The following PCDHGB1 variants were observed in gnomAD, a reference collection of about 807,000 sequenced individuals.
PCDHGB1 encodes protocadherin gamma subfamily B, 1, also known as protocadherin gamma-B1.
Under a neutral mutation model 56.6 loss-of-function variants are expected in PCDHGB1, and 34 were observed. The ratio of observed to expected loss-of-function variants is 0.60; its 90% CI spans 0.46 to 0.80. The LOEUF is 0.80. PCDHGB1 is among the 30% of genes least tolerant of loss of function. The pLI is 0.00. For missense variants in PCDHGB1, 1,278 were observed against 1,204.6 expected, an observed-to-expected ratio of 1.06 and a Z score of -0.90; for synonymous variants, 561 against 505.9, an observed-to-expected ratio of 1.11 and a Z score of -1.46.
Position 141,422,740 on chromosome 5 carries a change from T to C in PCDHGB1, c.2409+70071T>C, listed in dbSNP as rs536737009. The C allele has an allele frequency of 2.7e-5, 43 of 1,609,962 alleles. 1 individual carries two copies. In the South Asian group the frequency reaches 4.8e-4, roughly 18 times the overall value. On this transcript the variant is annotated intron_variant, in intron 1 of 3. Transcript: ENST00000523390. ...TGTCCAGGGGGTGCCTCTGTCCTCC[T>C]ATGTCTCTATTAACTCCAACACTGG... is the stretch of plus-strand genomic sequence containing the variant.
chr5:141,436,207 A>T (rs544201723), intron 1 of PCDHGB1, among the ~76,000 whole-genome samples: 1 of 152,142 alleles, frequency 6.6e-6, no homozygotes, highest in Admixed American at 6.5e-5. Context: ...ACATAATAGG[A>T]AAACAAATGA....
In PCDHGB1 at chr5:141,476,714, C is replaced by G. The variant is rs146188020; in HGVS notation, c.2410-18093C>G. 3.1e-6 allele frequency: 5 copies of G among 1,614,036 alleles called. No individual in the cohort carries two copies. Among genetic ancestry groups the G allele is most frequent in the African/African-American group, 2.7e-5 (2 of 74,938 alleles). ...CAAGTACGCGGAGCTGGTGTTGGAGCGCGCCCTGGACCGAGAACGGGAGCC... is the reference window on the plus strand; with the variant it reads ...CAAGTACGCGGAGCTGGTGTTGGAGGGCGCCCTGGACCGAGAACGGGAGCC... On this transcript the variant is annotated intron_variant, in intron 1 of 3. Transcript: ENST00000523390. This position sits in a 1 kb window ranked among gnomAD's most constrained non-coding sequence, Gnocchi z 7.6.
chr5:141,372,194 C>A, intron 1 of PCDHGB1: 1 of 1,613,570 alleles, frequency 6.2e-7, no homozygotes, highest in Non-Finnish European at 8.5e-7. Flanking sequence ...ACTCGGGATA[C>A]AACGCCTGGC....
At chr5:141,401,570 C>T (rs192915698) in intron 1 of PCDHGB1, among the ~76,000 whole-genome samples, 2 of 152,290 alleles carry the variant, frequency 1.3e-5, no homozygotes, top group Admixed American at 1.3e-4. Context: ...ATTTCTCTTG[C>T]TCGGAATCCT....
In PCDHGB1 at chr5:141,476,501, A is replaced by G; in HGVS notation, c.2410-18306A>G. 1.2e-6 allele frequency: 2 copies of G among 1,614,026 alleles called. No homozygotes were observed. Among genetic ancestry groups the G allele is most frequent in the Non-Finnish European group, 1.7e-6 (2 of 1,180,006 alleles). On this transcript the variant is annotated intron_variant, in intron 1 of 3. Coordinates refer to ENST00000523390, the MANE Select transcript of PCDHGB1 (RefSeq NM_018922.3). The surrounding 1 kb of genome is among the most constrained non-coding windows in gnomAD (Gnocchi z 7.6). ...CGTGGAAGTGGTGATCCAGGACATCAACGACAACAATCCTGCTTTCCCTAC... is the reference window on the plus strand; with the variant it reads ...CGTGGAAGTGGTGATCCAGGACATCGACGACAACAATCCTGCTTTCCCTAC...
rs758515649 is a variant in PCDHGB1 at position 141,432,368 on chromosome 5, A to G, written c.2410-62439A>G. On this transcript the variant is annotated intron_variant, in intron 1 of 3. Coordinates refer to ENST00000523390, the MANE Select transcript of PCDHGB1 (RefSeq NM_018922.3). This position sits in a 1 kb window ranked among gnomAD's most constrained non-coding sequence, Gnocchi z 6.0. ...GCAAGTGAAAGTGATGGCGCGGGAC[A>G]ACGGGCACCCGCCCCTCAGCAGCAA... 1.2e-6 allele frequency: 2 copies of G among 1,614,110 alleles called. No homozygotes were observed. Among genetic ancestry groups the G allele is most frequent in the Non-Finnish European group, 1.7e-6 (2 of 1,180,054 alleles).
At chr5:141,360,244 A>G (rs764630528) in intron 1 of PCDHGB1, 3 of 1,613,962 alleles carry the variant, frequency 1.9e-6, no homozygotes, top group Non-Finnish European at 2.5e-6. Context: ...CCGCTATTCA[A>G]TTCCAGAGGA....
rs752533199 is a variant in PCDHGB1, at chr5:141,352,514, A to T, written c.2254A>T (p.Ile752Phe). 3.7e-6 allele frequency: 6 copies of T among 1,613,842 alleles called. No individual in the cohort carries two copies. Among genetic ancestry groups the T allele is most frequent in the Non-Finnish European group, 5.1e-6 (6 of 1,179,898 alleles). Residue 752 changes from isoleucine to phenylalanine, a missense_variant, in exon 1 of 4, where the codon ATT (isoleucine) becomes TTT (phenylalanine). Ile to Phe is a conservative substitution (Grantham distance 21). Transcript: ENST00000523390. The part of the protein sequence containing the change: ...GTLPYSYNLC[I>F]ASHSAKTEFN... The stretch of plus-strand genomic sequence containing the variant: ...TTTGCCCTATTCCTACAATCTATGT[A>T]TTGCCTCTCATTCTGCAAAGACAGA...
At chr5:141,364,875 T>C (rs909012191) in intron 1 of PCDHGB1, 1 of 1,613,818 alleles carries the variant, frequency 6.2e-7, no homozygotes, top group Non-Finnish European at 8.5e-7. Flanking sequence ...TCTCTGGATG[T>C]GGTAAGCGGA....
intron 1 of PCDHGB1, chr5:141,407,996 T>G: frequency 1.1e-6 from 1 of 872,310 alleles, no homozygotes; most frequent in Middle Eastern, 3.6e-4. Flanking sequence ...GCCTCTGGCC[T>G]GGGATTCCCT....
intron 1 of PCDHGB1, among the ~76,000 whole-genome samples, chr5:141,492,559 C>G (rs533830391): frequency 2.0e-5 from 3 of 152,174 alleles, no homozygotes; most frequent in Non-Finnish European, 4.4e-5. Context: ...GCCTGGGGGG[C>G]GGCCTGAGCG....
chr5:141,383,951 C>G lies in PCDHGB1; in HGVS notation c.2409+31282C>G, dbSNP rs1365918560. 5 of 1,613,676 alleles carry G rather than the reference C, an allele frequency of 3.1e-6. No homozygotes were observed. In the African/African-American group the frequency reaches 6.7e-5, roughly 22 times the overall value. On this transcript the variant is annotated intron_variant, in intron 1 of 3. Transcript: ENST00000523390. ...AATGCTCCAGAAGTGACTATGACGT[C>G]TTTAAGTAGCTCAATCCCTGAAGAC...
chr5:141,422,853 C>T (rs746989617), intron 1 of PCDHGB1: 8 of 1,614,264 alleles, frequency 5.0e-6, no homozygotes, highest in South Asian at 3.3e-5. Flanking sequence ...GGGACCCGCC[C>T]CTCAGCAGCA....
rs192677983 is a variant in PCDHGB1 at position 141,457,339 on chromosome 5, A to G, written c.2410-37468A>G. On this transcript the variant is annotated intron_variant, in intron 1 of 3. Transcript: ENST00000523390. The stretch of plus-strand genomic sequence containing the variant: ...CCTCCGGGTTACAGGTACCTTACTT[A>G]CTTTCATTACCTGGCACAATTTGCA... Among the ~76,000 whole-genome samples the G allele has an allele frequency of 3.1e-4, 47 of 152,268 alleles. No individual in the cohort carries two copies. The South Asian group carries it at 3.3e-3, about 11-fold the overall frequency.
intron 1 of PCDHGB1, among the ~76,000 whole-genome samples, chr5:141,471,014 G>A (rs2099246573): frequency 6.7e-6 from 1 of 148,628 alleles, no homozygotes; most frequent in Non-Finnish European, 1.5e-5. Context: ...ACTGTGCCTG[G>A]TCAATCATTT....
At position 141,486,735 on chromosome 5, in the gene PCDHGB1, G is replaced by T; in HGVS notation, c.2410-8072G>T. 6.2e-7 allele frequency: 1 copy of T among 1,614,176 alleles called. No individual in the cohort carries two copies. The highest frequency in any genetic ancestry group is 1.1e-5 in the South Asian group (1 of 91,086). On this transcript the variant is annotated intron_variant, in intron 1 of 3. Coordinates refer to ENST00000523390, the MANE Select transcript of PCDHGB1 (RefSeq NM_018922.3). The surrounding 1 kb of genome is among the most constrained non-coding windows in gnomAD (Gnocchi z 5.0). Reference sequence around the variant, plus strand: ...CAGACAGGAGCTGTTCATGCTACTCGATCCTTTGACTATGAGCAAACCCAG... The same window carrying T: ...CAGACAGGAGCTGTTCATGCTACTCTATCCTTTGACTATGAGCAAACCCAG...
chr5:141,364,691 G>C (rs373731815), intron 1 of PCDHGB1: 6 of 1,613,878 alleles, frequency 3.7e-6, no homozygotes, highest in Non-Finnish European at 3.4e-6. Context: ...TGGAGTAGAA[G>C]TAGAAATAAT....
At chr5:141,395,557 T>C (rs1405901510) in intron 1 of PCDHGB1, 1 of 136,750 alleles carries the variant, frequency 7.3e-6, no homozygotes, top group East Asian at 1.5e-4. Context: ...TGTGTGTGTG[T>C]GTGTGTGTGT....
At chr5:141,362,487 T>A in intron 1 of PCDHGB1, 1 of 1,614,040 alleles carries the variant, frequency 6.2e-7, no homozygotes, top group Non-Finnish European at 8.5e-7. Context: ...TCTGTGACAA[T>A]GCCTCTTGGG....
Sources: allele counts gnomAD v4.1 joint callset (sites outside exome capture counted in the v4.1 genomes callset), GRCh38; gene constraint gnomAD v4.1.1; non-coding constraint Gnocchi (gnomAD v3.1); transcripts MANE v1.5; gene names NCBI Gene and HGNC (gene_info 2026-07-23, HGNC 2026-07-21).